Variants in SASH1 observed in about 807,000 individuals in gnomAD.
The protein encoded by SASH1 is SAM and SH3 domain containing 1, also known as SAM and SH3 domain-containing protein 1.
In SASH1, 44 loss-of-function variants were observed where a neutral mutation model predicts 125.2. The observed-to-expected ratio is 0.35, with a 90% CI of 0.28 to 0.45. The LOEUF (loss-of-function observed/expected upper bound fraction) is 0.45, where lower values mean the gene tolerates loss of function less well. Among genes scored for constraint, SASH1 ranks in the 20% least tolerant of loss-of-function variants. The probability of loss-of-function intolerance (pLI) is 1.00; values close to 1 mark genes in which losing one functional copy is unlikely to be tolerated. For missense variants in SASH1, 1,426 were observed against 1,614.5 expected (o/e 0.88, Z 2.00); for synonymous variants, 639 against 649.1 (o/e 0.98, Z 0.24).
At chr6:148,537,831 T>TGTGTGG (rs1491316465) in intron 16 of SASH1, among the ~76,000 whole-genome samples, 1 of 132,604 alleles carries the variant, frequency 7.5e-6, no homozygotes, top group East Asian at 2.2e-4. Flanking sequence ...TGTGTGTGTG[T>TGTGTGG]GGTTGGTGAG....
the SASH1 span, among the ~76,000 whole-genome samples, chr6:148,217,467 T>C: frequency 6.6e-6 from 1 of 152,194 alleles, no homozygotes; most frequent in Non-Finnish European, 1.5e-5. Context: ...CAGTAGCCTA[T>C]GTGGTACCGT....
intron 1 of SASH1, among the ~76,000 whole-genome samples, chr6:148,284,418 GACA>G (rs1190634160): frequency 1.3e-5 from 2 of 152,066 alleles, no homozygotes; most frequent in Admixed American, 1.3e-4. Context: ...CAGCCTGGGT[GACA>G]GAGTAAGACT....
chr6:148,373,915 C>T (rs1285758989), intron 1 of SASH1, among the ~76,000 whole-genome samples: 1 of 152,134 alleles, frequency 6.6e-6, no homozygotes, highest in African/African-American at 2.4e-5. Flanking sequence ...GGAGGTTGCA[C>T]TAAGCTGAGA....
intron 1 of SASH1, among the ~76,000 whole-genome samples, chr6:148,319,933 C>T (rs907842560): frequency 6.6e-6 from 1 of 152,182 alleles, no homozygotes; most frequent in Non-Finnish European, 1.5e-5. Context: ...ATGTGGTCTA[C>T]ACAGTAGTTG....
intron 2 of SASH1, among the ~76,000 whole-genome samples, chr6:148,427,801 C>T (rs375417383): frequency 2.6e-5 from 4 of 152,282 alleles, no homozygotes; most frequent in African/African-American, 9.6e-5. Flanking sequence ...CTGTTCCTGC[C>T]CTGGGTACTT....
In SASH1 at chr6:148,544,973, A is replaced by C. The variant is rs1344189237; in HGVS notation, c.3348+155A>C. ...CGTGTCCACACCTTACTTGACATGC[A>C]TGTGTTCAGATATTGACACCACCCC... On this transcript the variant is annotated intron_variant, in intron 18 of 19. Transcript: ENST00000367467. This position sits in a 1 kb window ranked among gnomAD's most constrained non-coding sequence, Gnocchi z 6.4. 6.6e-6 allele frequency among the ~76,000 whole-genome samples: 1 copy of C among 152,128 alleles called. No individual in the cohort carries two copies. Among genetic ancestry groups the C allele is most frequent in the South Asian group, 2.1e-4 (1 of 4,822 alleles).
intron 4 of SASH1, among the ~76,000 whole-genome samples, chr6:148,445,511 C>T (rs189487554): frequency 6.6e-5 from 10 of 152,280 alleles, no homozygotes; most frequent in Admixed American, 5.9e-4. Flanking sequence ...AGCTACGAGT[C>T]GCAGAAAACC....
At chr6:148,281,900 C>T (rs9403933) in intron 1 of SASH1, among the ~76,000 whole-genome samples, 58,444 of 148,412 alleles carry the variant, frequency 0.39, 11,357 homozygotes, top group South Asian at 0.48. Flanking sequence ...CCAGCCTGGG[C>T]GACAGAGCGA....
chr6:148,307,094 TTCTC>T (rs764505514), intron 1 of SASH1, among the ~76,000 whole-genome samples: 9 of 120,758 alleles, frequency 7.5e-5, no homozygotes, highest in Admixed American at 4.4e-4. Flanking sequence ...CTTTCTTTCT[TTCTC>T]TCTCTCTGTC....
At chr6:148,317,491 C>T (rs1780510454) in intron 1 of SASH1, among the ~76,000 whole-genome samples, 1 of 152,228 alleles carries the variant, frequency 6.6e-6, no homozygotes, top group South Asian at 2.1e-4. Context: ...ATGGCACGAC[C>T]TCGGCTCACC....
chr6:148,471,177 C>T (rs375221061), intron 5 of SASH1, among the ~76,000 whole-genome samples: 5 of 151,534 alleles, frequency 3.3e-5, no homozygotes, highest in South Asian at 4.2e-4. Flanking sequence ...TTGATGTTTC[C>T]GTTTCTCCTC....
intron 1 of SASH1, among the ~76,000 whole-genome samples, chr6:148,297,886 A>C (rs1330816313): frequency 6.6e-6 from 1 of 152,178 alleles, no homozygotes; most frequent in Non-Finnish European, 1.5e-5. Context: ...ACTGATGTTA[A>C]CAAAATACCA....
intron 10 of SASH1, among the ~76,000 whole-genome samples, chr6:148,524,146 TTATAG>T (rs1192613925): frequency 7.0e-6 from 1 of 142,782 alleles, no homozygotes; most frequent in African/African-American, 2.5e-5. Flanking sequence ...TAAGCAATGC[TTATAG>T]TATATTAGGT....
At chr6:148,508,916 T>A in intron 8 of SASH1, 4 of 1,076,664 alleles carry the variant, frequency 3.7e-6, no homozygotes, top group Non-Finnish European at 5.0e-6. Context: ...AGAAAGAATG[T>A]GTTTTCTGTT....
At chr6:148,458,119 A>C (rs1226335275) in intron 4 of SASH1, among the ~76,000 whole-genome samples, 1 of 152,222 alleles carries the variant, frequency 6.6e-6, no homozygotes, top group East Asian at 1.9e-4. Flanking sequence ...GGGCTTTCCA[A>C]GGCTTGAGCA....
intron 17 of SASH1, 148 bp from the exon 18 acceptor site, chr6:148,543,532 T>C: frequency 1.6e-6 from 1 of 608,384 alleles, no homozygotes; most frequent in Non-Finnish European, 2.7e-6. Context: ...TATCACCCGA[T>C]GTCATAAATG....
chr6:148,374,491 C>A (rs1426518109), intron 1 of SASH1, among the ~76,000 whole-genome samples: 1 of 152,184 alleles, frequency 6.6e-6, no homozygotes, highest in Non-Finnish European at 1.5e-5. Flanking sequence ...TGGGTATTTT[C>A]ATTCTCACAG....
rs373963512 is a variant in SASH1 at position 148,543,864 on chromosome 6, C to G, written c.2394C>G (p.Ser798Arg). The change falls in exon 18 of 20, where the codon AGC (serine) becomes AGG (arginine). Residue 798 changes from serine to arginine, a missense_variant. Physicochemically the swap from Ser to Arg is moderately radical, Grantham distance 110. This residue lies in a region of SASH1 where 634 missense variants were observed against 694.4 expected (regional missense o/e 0.91). Transcript: ENST00000367467. Reference sequence around the variant, plus strand: ...GCCTTGCCCCAGACACGTCCAAGAGCTGTGACCCACCTGGTGTGACTGGTT... The same window carrying G: ...GCCTTGCCCCAGACACGTCCAAGAGGTGTGACCCACCTGGTGTGACTGGTT... ...GGGLAPDTSK[S>R]CDPPGVTGLN... 1 of 1,614,092 alleles carries G rather than the reference C, an allele frequency of 6.2e-7. No individual in the cohort carries two copies. Among genetic ancestry groups the G allele is most frequent in the Non-Finnish European group, 8.5e-7 (1 of 1,180,030 alleles).
chr6:148,390,106 G>T, intron 1 of SASH1, 28 bp from the exon 2 acceptor site: 2 of 1,610,926 alleles, frequency 1.2e-6, no homozygotes, highest in South Asian at 2.2e-5. Context: ...GGACTGACCT[G>T]ACCGCCTTTG....
Sources: gnomAD v4.1 joint callset for allele counts (sites outside exome capture counted in the v4.1 genomes callset) on GRCh38, gnomAD v4.1.1 for gene constraint, gnomAD v4.1.1 regional missense constraint, Gnocchi (gnomAD v3.1) non-coding constraint, MANE v1.5 for transcripts, NCBI Gene and HGNC (gene_info 2026-07-23, HGNC 2026-07-21) for gene names.